Variants in HIVEP3 observed in about 807,000 individuals in gnomAD.
HIVEP3 encodes the protein HIVEP zinc finger 3, also known as transcription factor HIVEP3.
HIVEP3 carries 49 observed loss-of-function variants against 152.8 expected under a neutral mutation model. The observed-to-expected ratio is 0.32, with a 90% CI of 0.26 to 0.41. The LOEUF (loss-of-function observed/expected upper bound fraction) is 0.41, where lower values mean the gene tolerates loss of function less well. Among genes scored for constraint, HIVEP3 ranks in the 10% least tolerant of loss-of-function variants. The pLI, the probability that HIVEP3 is intolerant of heterozygous loss-of-function variation, is 1.00. For synonymous variants in HIVEP3, 1,269 were observed against 1,289.0 expected (o/e 0.98, Z 0.33); for missense variants, 2,790 against 3,103.3 (o/e 0.90, Z 2.40).
In HIVEP3 at chr1:41,511,107, G is replaced by A. The variant is rs143605709; in HGVS notation, c.6565C>T (p.Arg2189Cys). 64 of 1,614,184 alleles carry A rather than the reference G, an allele frequency of 4.0e-5. No individual in the cohort carries two copies. Among genetic ancestry groups the A allele is most frequent in the African/African-American group, 3.5e-4 (26 of 75,060 alleles). Reference sequence around the variant, plus strand: ...ATGGGAATCAAGGGACATGGGGCACGGGTCAAGTGCTGGGAGTGCAGAGGC... The same window carrying A: ...ATGGGAATCAAGGGACATGGGGCACAGGTCAAGTGCTGGGAGTGCAGAGGC... ...HLPLHSQHLT[R>C]APCPLIPIGG... The change falls in exon 9 of 9, where the codon CGT becomes TGT. Residue 2189 changes from arginine (R) to cysteine (C), a missense_variant. Around this residue, in one of 9 missense-constraint regions of HIVEP3, gnomAD observed 816 missense variants for 806.5 expected, o/e 1.01. Transcript: ENST00000372583. The surrounding 1 kb of genome is among the most constrained non-coding windows in gnomAD (Gnocchi z 4.9).
intron 1 of HIVEP3, among the ~76,000 whole-genome samples, chr1:41,842,913 G>C (rs534750500): frequency 6.6e-6 from 1 of 152,308 alleles, no homozygotes; most frequent in Admixed American, 6.5e-5. Context: ...GGTAACCTCA[G>C]TTCCAATCTC....
intron 5 of HIVEP3, among the ~76,000 whole-genome samples, chr1:41,572,339 G>T (rs1644262322): frequency 6.6e-6 from 1 of 152,206 alleles, no homozygotes; most frequent in Non-Finnish European, 1.5e-5. Context: ...GAGTCTCACT[G>T]ATCAGGTATG....
chr1:41,628,413 C>T (rs1029691059), intron 3 of HIVEP3, among the ~76,000 whole-genome samples: 3 of 152,172 alleles, frequency 2.0e-5, no homozygotes, highest in South Asian at 2.1e-4. Context: ...CTTGTGGAGG[C>T]TGTGGCCCCT....
intron 1 of HIVEP3, among the ~76,000 whole-genome samples, chr1:42,024,937 G>GA (rs1645573930): frequency 6.6e-6 from 1 of 152,152 alleles, no homozygotes; most frequent in African/African-American, 2.4e-5. Flanking sequence ...AGATTCCATT[G>GA]ATGTTGAGAA....
chr1:41,898,541 T>G (rs1317277053), intron 1 of HIVEP3, among the ~76,000 whole-genome samples: 1 of 152,248 alleles, frequency 6.6e-6, no homozygotes, highest in African/African-American at 2.4e-5. Flanking sequence ...AGGGCTGAGA[T>G]GCATCTTCAG....
At chr1:41,941,278 G>A (rs1645044641) in intron 1 of HIVEP3, among the ~76,000 whole-genome samples, 1 of 152,158 alleles carries the variant, frequency 6.6e-6, no homozygotes. Context: ...ATGTCGTCAG[G>A]TTTGTCTACT....
intron 1 of HIVEP3, among the ~76,000 whole-genome samples, chr1:41,837,367 C>T (rs1244817866): frequency 6.6e-6 from 1 of 152,040 alleles, no homozygotes; most frequent in East Asian, 1.9e-4. Flanking sequence ...ACTCTTGTTG[C>T]CCAGGCTTGA....
chr1:41,539,810 G>C (rs78811037), intron 5 of HIVEP3, among the ~76,000 whole-genome samples: 1 of 152,198 alleles, frequency 6.6e-6, no homozygotes, highest in African/African-American at 2.4e-5. Flanking sequence ...GCTAAAAAAA[G>C]TCAACCAGGG....
At chr1:42,011,903 C>T (rs1034893803) in intron 1 of HIVEP3, among the ~76,000 whole-genome samples, 1 of 152,194 alleles carries the variant, frequency 6.6e-6, no homozygotes, top group African/African-American at 2.4e-5. Context: ...TGCCCTTTTG[C>T]ACTTTCGCTG....
In HIVEP3 at chr1:41,511,310, T is replaced by TG. The variant is rs368332206; in HGVS notation, c.6406-45dup. ...ACAAGGTAAGGTGAAGGTTACATGC[T>TG]GGGCACATGGGGAGCCGAGGCCTGG... On this transcript the variant is annotated intron_variant, in intron 8 of 8. Coordinates refer to ENST00000372583, the MANE Select transcript of HIVEP3 (RefSeq NM_024503.5). This position sits in a 1 kb window ranked among gnomAD's most constrained non-coding sequence, Gnocchi z 4.9. 4 of 1,480,732 alleles carry TG rather than the reference T, an allele frequency of 2.7e-6. No homozygotes were observed. The highest frequency in any genetic ancestry group is 2.4e-4 in the Middle Eastern group (1 of 4,124). 91.7% of individuals were successfully genotyped at this position (1,480,732 alleles called of 1,614,324 possible). A position where few individuals can be genotyped will look rare whatever the true frequency, so the allele number is the denominator to read the frequency against.
intron 1 of HIVEP3, among the ~76,000 whole-genome samples, chr1:41,902,472 C>T (rs1055142357): frequency 6.6e-6 from 1 of 152,172 alleles, no homozygotes; most frequent in East Asian, 1.9e-4. Flanking sequence ...CCCCACCCCC[C>T]ACTGCCAGGG....
chr1:41,705,980 T>C (rs528336701), intron 1 of HIVEP3, among the ~76,000 whole-genome samples: 13 of 152,304 alleles, frequency 8.5e-5, no homozygotes, highest in Non-Finnish European at 1.5e-4. Flanking sequence ...TTTTTGTAAA[T>C]AAAGTTTTAT....
intron 2 of HIVEP3, among the ~76,000 whole-genome samples, chr1:41,672,188 C>T (rs1645887686): frequency 6.6e-6 from 1 of 152,206 alleles, no homozygotes; most frequent in Non-Finnish European, 1.5e-5. Context: ...TTGCCAGGTC[C>T]TTTGGGGCCC....
intron 1 of HIVEP3, among the ~76,000 whole-genome samples, chr1:41,722,403 G>GCCTGCCTGCCTTCCTTCCTTCCTT (rs1553253035): frequency 6.5e-4 from 73 of 113,052 alleles, no homozygotes; most frequent in African/African-American, 2.4e-3. Context: ...AATTTGGCTG[G>GCCTGCCTGCCTTCCTTCCTTCCTT]CCTTCCTTCC....
intron 1 of HIVEP3, among the ~76,000 whole-genome samples, chr1:42,028,919 T>C (rs1645596919): frequency 6.6e-6 from 1 of 152,206 alleles, no homozygotes; most frequent in African/African-American, 2.4e-5. Context: ...AACTAACTAC[T>C]GCCAAGGGGA....
chr1:41,985,442 T>C (rs1257690223), intron 1 of HIVEP3, among the ~76,000 whole-genome samples: 3 of 152,206 alleles, frequency 2.0e-5, no homozygotes, highest in Non-Finnish European at 4.4e-5. Context: ...GGTGAGGGCA[T>C]ACCTCCTGGT....
chr1:41,790,869 A>G (rs75091986), intron 1 of HIVEP3, among the ~76,000 whole-genome samples: 2,912 of 152,170 alleles, frequency 0.019, 40 homozygotes, highest in Non-Finnish European at 0.032. Flanking sequence ...CATGGACAAG[A>G]TGCATCCATA....
intron 1 of HIVEP3, among the ~76,000 whole-genome samples, chr1:41,963,743 T>C (rs1196634722): frequency 6.6e-6 from 1 of 152,196 alleles, no homozygotes; most frequent in Admixed American, 6.5e-5. Flanking sequence ...GCCAGCTTCC[T>C]AAGCATGAAG....
intron 1 of HIVEP3, among the ~76,000 whole-genome samples, chr1:41,857,938 T>C (rs1643812679): frequency 6.6e-6 from 1 of 151,834 alleles, no homozygotes; most frequent in African/African-American, 2.4e-5. Context: ...TCTTTGGAGT[T>C]AGCCTCTCCA....
Sources: allele counts gnomAD v4.1 joint callset (sites outside exome capture counted in the v4.1 genomes callset), GRCh38; gene constraint gnomAD v4.1.1; regional missense constraint gnomAD v4.1.1; non-coding constraint Gnocchi (gnomAD v3.1); transcripts MANE v1.5; gene names NCBI Gene and HGNC (gene_info 2026-07-23, HGNC 2026-07-21).